Variants in CUX2 observed in about 807,000 individuals in gnomAD.
CUX2 encodes cut like homeobox 2.
In CUX2, 40 loss-of-function variants were observed where a neutral mutation model predicts 144.8. That is an observed-to-expected ratio of 0.28 (90% CI 0.21 to 0.36). CUX2 has a LOEUF of 0.36. Ranked by LOEUF, CUX2 falls within the 10% of genes least tolerant of loss-of-function variation. The pLI is 1.00. For synonymous variants in CUX2, 827 were observed against 875.6 expected, an observed-to-expected ratio of 0.94 and a Z score of 0.98; for missense variants, 1,615 against 1,994.0, an observed-to-expected ratio of 0.81 and a Z score of 3.62.
chr12:111,079,899 G>A (rs1039277998), intron 1 of CUX2, among the ~76,000 whole-genome samples: 11 of 152,092 alleles, frequency 7.2e-5, no homozygotes, highest in African/African-American at 2.2e-4. Flanking sequence ...TAATCCAGGC[G>A]CAGCACACAG....
At chr12:111,309,290 G>A (rs575188838) in intron 14 of CUX2, among the ~76,000 whole-genome samples, 1 of 152,180 alleles carries the variant, frequency 6.6e-6, no homozygotes, top group Non-Finnish European at 1.5e-5. Flanking sequence ...GTGACCTTGG[G>A]GCCCACTTCA....
chr12:111,056,368 T>C (rs944333240), intron 1 of CUX2, among the ~76,000 whole-genome samples: 3 of 152,232 alleles, frequency 2.0e-5, no homozygotes, highest in Non-Finnish European at 4.4e-5. Context: ...CACTCCATGA[T>C]AGCTGTGGCT....
intron 1 of CUX2, among the ~76,000 whole-genome samples, chr12:111,083,705 C>T (rs1264284596): frequency 6.6e-6 from 1 of 152,040 alleles, no homozygotes; most frequent in Non-Finnish European, 1.5e-5. Context: ...GGGACGCCCA[C>T]CGAGCAAACT....
At position 111,307,906 on chromosome 12, in the gene CUX2, C is replaced by G. The variant is rs1296843521; in HGVS notation, c.1110-379C>G. ...GCTGAGGCAGGAGAATCGCTTGAACCTGGGAGGCAGAGATCGTGCCACTGC... is the reference window on the plus strand; with the variant it reads ...GCTGAGGCAGGAGAATCGCTTGAACGTGGGAGGCAGAGATCGTGCCACTGC... On this transcript the variant is annotated intron_variant, in intron 12 of 21. Transcript: ENST00000261726. This position sits in a 1 kb window ranked among gnomAD's most constrained non-coding sequence, Gnocchi z 4.1. Among the ~76,000 whole-genome samples the G allele has an allele frequency of 2.6e-5, 4 of 151,888 alleles. No individual in the cohort carries two copies. Among genetic ancestry groups the G allele is most frequent in the Non-Finnish European group, 5.9e-5 (4 of 67,942 alleles).
chr12:111,180,398 A>G (rs1879092962), intron 1 of CUX2, among the ~76,000 whole-genome samples: 1 of 151,840 alleles, frequency 6.6e-6, no homozygotes, highest in African/African-American at 2.4e-5. Context: ...GAGTCTGCAG[A>G]CCTCCACCGA....
Position 111,310,474 on chromosome 12 carries a change from G to A in CUX2, c.1692G>A (p.Glu564=), listed in dbSNP as rs373544048. 8.9e-5 allele frequency: 144 copies of A among 1,613,844 alleles called. No homozygotes were observed. The African/African-American group carries it at 1.6e-3, about 18-fold the overall frequency. The part of the protein sequence containing the change: ...DTAEIAFQVK[E]QLLKHNIGQR... The stretch of plus-strand genomic sequence containing the variant: ...CAGAGATCGCCTTCCAGGTGAAGGA[G>A]CAGCTGCTGAAACACAACATCGGGC... The change falls in exon 15 of 22, where the codon GAG becomes GAA. Residue 564 remains glutamate (E), a synonymous_variant. Coordinates refer to ENST00000261726, the MANE Select transcript of CUX2 (RefSeq NM_015267.4). The surrounding 1 kb of genome is among the most constrained non-coding windows in gnomAD (Gnocchi z 7.9).
intron 1 of CUX2, among the ~76,000 whole-genome samples, chr12:111,177,147 G>A (rs1282650551): frequency 6.6e-6 from 1 of 152,074 alleles, no homozygotes; most frequent in Non-Finnish European, 1.5e-5. Flanking sequence ...TGTGCCCTCT[G>A]GCATGCCAGC....
At chr12:111,036,358 C>T (rs2135997560) in intron 1 of CUX2, among the ~76,000 whole-genome samples, 2 of 152,252 alleles carry the variant, frequency 1.3e-5, no homozygotes, top group African/African-American at 4.8e-5. Context: ...GGGTGCGGCT[C>T]CCAGGGGGCT....
intron 1 of CUX2, among the ~76,000 whole-genome samples, chr12:111,185,498 C>G (rs1436035903): frequency 6.6e-6 from 1 of 152,212 alleles, no homozygotes; most frequent in Non-Finnish European, 1.5e-5. Context: ...GCTGAGCCAG[C>G]CTGCGCTTCA....
At chr12:111,344,748 A>G (rs895078811) in intron 21 of CUX2, among the ~76,000 whole-genome samples, 2 of 152,134 alleles carry the variant, frequency 1.3e-5, no homozygotes, top group Non-Finnish European at 2.9e-5. Context: ...GCCCCACAGG[A>G]CCTGAGCAGG....
chr12:111,223,521 G>A (rs1311951477), intron 3 of CUX2, among the ~76,000 whole-genome samples: 4 of 152,180 alleles, frequency 2.6e-5, no homozygotes, highest in African/African-American at 9.7e-5. Context: ...AGGTGACACT[G>A]TGCCATGATC....
At chr12:111,134,614 C>CTGTGTGTG (rs1159711656) in intron 1 of CUX2, among the ~76,000 whole-genome samples, 8 of 144,270 alleles carry the variant, frequency 5.5e-5, no homozygotes, top group African/African-American at 2.0e-4. Flanking sequence ...CTCTCTCTCT[C>CTGTGTGTG]TCTCTCTGTG....
chr12:111,147,311 G>A (rs1876744864), intron 1 of CUX2, among the ~76,000 whole-genome samples: 1 of 152,176 alleles, frequency 6.6e-6, no homozygotes, highest in Non-Finnish European at 1.5e-5. Context: ...TTGGGGAGGG[G>A]AGAGGAGGTC....
At chr12:111,235,748 T>G (rs1592866309) in intron 3 of CUX2, among the ~76,000 whole-genome samples, 1 of 149,962 alleles carries the variant, frequency 6.7e-6, no homozygotes, top group South Asian at 2.1e-4. Context: ...AGGTGAGCAC[T>G]AATGATAACC....
intron 3 of CUX2, among the ~76,000 whole-genome samples, chr12:111,222,675 C>T (rs1438932653): frequency 6.6e-6 from 1 of 152,144 alleles, no homozygotes; most frequent in East Asian, 1.9e-4. Context: ...GTTTCCTCAT[C>T]TGTAAATAGG....
At chr12:111,078,124 T>C (rs1311568133) in intron 1 of CUX2, among the ~76,000 whole-genome samples, 2 of 151,874 alleles carry the variant, frequency 1.3e-5, no homozygotes, top group Non-Finnish European at 2.9e-5. Flanking sequence ...AGCAGTGGGG[T>C]GTTGCTTCTG....
intron 1 of CUX2, among the ~76,000 whole-genome samples, chr12:111,182,509 C>T (rs571680358): frequency 2.6e-5 from 4 of 152,214 alleles, no homozygotes; most frequent in Admixed American, 1.3e-4. Flanking sequence ...GTTGTAAACT[C>T]GAGACCATCC....
chr12:111,253,945 G>T (rs1228056952), intron 3 of CUX2, among the ~76,000 whole-genome samples: 1 of 151,916 alleles, frequency 6.6e-6, no homozygotes, highest in African/African-American at 2.4e-5. Context: ...GGCCAGGCTG[G>T]TCTCGAACTC....
At chr12:111,225,612 A>G (rs1288258863) in intron 3 of CUX2, among the ~76,000 whole-genome samples, 1 of 152,180 alleles carries the variant, frequency 6.6e-6, no homozygotes, top group Non-Finnish European at 1.5e-5. Flanking sequence ...TGGAGGGCCA[A>G]ACGGGCCCCT....
Sources: allele counts gnomAD v4.1 joint callset (sites outside exome capture counted in the v4.1 genomes callset), GRCh38; gene constraint gnomAD v4.1.1; non-coding constraint Gnocchi (gnomAD v3.1); transcripts MANE v1.5; gene names NCBI Gene and HGNC (gene_info 2026-07-23, HGNC 2026-07-21).